The following R3HCC1L variants were observed in gnomAD, a reference collection of about 807,000 sequenced individuals.
R3HCC1L encodes the protein coiled-coil domain-containing protein R3HCC1L.
R3HCC1L carries 51 observed loss-of-function variants against 59.9 expected under a neutral mutation model. The ratio of observed to expected loss-of-function variants is 0.85; its 90% CI spans 0.68 to 1.07. The LOEUF (loss-of-function observed/expected upper bound fraction) is 1.07. Ranked by LOEUF, R3HCC1L falls within the 50% of genes least tolerant of loss-of-function variation. The probability of loss-of-function intolerance (pLI) is 0.00; values close to 1 mark genes in which losing one functional copy is unlikely to be tolerated. For missense variants in R3HCC1L, 965 were observed against 933.0 expected, an observed-to-expected ratio of 1.03 and a Z score of -0.45; for synonymous variants, 322 against 315.2, an observed-to-expected ratio of 1.02 and a Z score of -0.23.
At chr10:98,211,723 G>A (rs1200363840) in intron 5 of R3HCC1L, among the ~76,000 whole-genome samples, 1 of 152,068 alleles carries the variant, frequency 6.6e-6, no homozygotes, top group Non-Finnish European at 1.5e-5. Flanking sequence ...GGGCAGAGTT[G>A]GGGGCTCTGT....
intron 4 of R3HCC1L, among the ~76,000 whole-genome samples, chr10:98,196,396 C>T (rs1314182114): frequency 1.3e-5 from 2 of 152,112 alleles, no homozygotes; most frequent in African/African-American, 2.4e-5. Context: ...TGGAAATTCT[C>T]AGTTCGTCCT....
intron 1 of R3HCC1L, among the ~76,000 whole-genome samples, chr10:98,140,423 C>T (rs1039869446): frequency 8.5e-5 from 13 of 152,094 alleles, no homozygotes; most frequent in Non-Finnish European, 1.2e-4. Context: ...CACACAGAGT[C>T]ATAGAGACAC....
intron 5 of R3HCC1L, 100 bp from the exon 6 acceptor site, chr10:98,231,412 A>C: frequency 9.1e-7 from 1 of 1,093,726 alleles, no homozygotes; most frequent in South Asian, 1.4e-5. Flanking sequence ...AGGAATGGGA[A>C]CATGTAGAGA....
intron 1 of R3HCC1L, among the ~76,000 whole-genome samples, chr10:98,154,348 G>T (rs539538722): frequency 1.3e-5 from 2 of 152,244 alleles, no homozygotes; most frequent in Admixed American, 1.3e-4. Flanking sequence ...GAGGAATCTG[G>T]TGTGTGCAGA....
At chr10:98,185,782 G>A (rs992558280) in intron 4 of R3HCC1L, among the ~76,000 whole-genome samples, 1 of 152,156 alleles carries the variant, frequency 6.6e-6, no homozygotes, top group African/African-American at 2.4e-5. Context: ...ACTTTAGGGA[G>A]GGTGACATCT....
At chr10:98,162,145 T>G (rs1428402453) in intron 2 of R3HCC1L, among the ~76,000 whole-genome samples, 1 of 152,164 alleles carries the variant, frequency 6.6e-6, no homozygotes, top group Non-Finnish European at 1.5e-5. Flanking sequence ...AGATCTTTCT[T>G]TTGTATGTCT....
At chr10:98,168,209 A>T (rs1411810292) in intron 4 of R3HCC1L, among the ~76,000 whole-genome samples, 1 of 152,162 alleles carries the variant, frequency 6.6e-6, no homozygotes, top group Non-Finnish European at 1.5e-5. Context: ...CCTTTGTATT[A>T]CATATTATAT....
rs114914562 is a variant in R3HCC1L, at chr10:98,155,383, T to C, written c.-267-710T>C. ...TTAAATTTTTTTTATTTTTGAAGCT[T>C]CTATATTTTGTGTGTTTGTGCTCTT... On this transcript the variant is annotated intron_variant, in intron 1 of 9. Coordinates refer to ENST00000298999, the MANE Select transcript of R3HCC1L (RefSeq NM_001351015.2). Among the ~76,000 whole-genome samples the C allele has an allele frequency of 6.7e-3, 1,015 of 152,254 alleles. 17 individuals are homozygous for C. Among genetic ancestry groups the C allele is most frequent in the African/African-American group, 0.022 (935 of 41,566 alleles).
chr10:98,226,793 CGTTTAAGAATTTATTAAA>C lies in R3HCC1L; in HGVS notation c.1786-4712_1786-4695del, dbSNP rs537286415. Among the ~76,000 whole-genome samples, 88 of 152,328 alleles carry C rather than the reference CGTTTAAGAATTTATTAAA, an allele frequency of 5.8e-4. No individual in the cohort carries two copies. The South Asian group carries it at 0.017, about 29-fold the overall frequency. On this transcript the variant is annotated intron_variant, in intron 5 of 9. Transcript: ENST00000298999. Reference sequence around the variant, plus strand: ...ACTGTTAACACTAATCTACTCTAGACGTTTAAGAATTTATTAAAGTTTAACTGATATCTTCTTGCCCAC... The same window carrying C: ...ACTGTTAACACTAATCTACTCTAGACGTTTAACTGATATCTTCTTGCCCAC...
At chr10:98,236,712 A>G (rs1220147858) in intron 9 of R3HCC1L, among the ~76,000 whole-genome samples, 1 of 152,182 alleles carries the variant, frequency 6.6e-6, no homozygotes, top group Non-Finnish European at 1.5e-5. Context: ...TCCAGTATCC[A>G]AGAGTTCTCA....
At chr10:98,199,560 T>C (rs1268696902) in intron 4 of R3HCC1L, among the ~76,000 whole-genome samples, 1 of 152,074 alleles carries the variant, frequency 6.6e-6, no homozygotes, top group Non-Finnish European at 1.5e-5. Flanking sequence ...CCTGTTTCAG[T>C]TCCTGCTCTC....
At chr10:98,222,486 T>G (rs1486463160) in intron 5 of R3HCC1L, among the ~76,000 whole-genome samples, 1 of 152,072 alleles carries the variant, frequency 6.6e-6, no homozygotes, top group Non-Finnish European at 1.5e-5. Flanking sequence ...TTCCAGTTTT[T>G]GCCCATTCAG....
At position 98,236,047 on chromosome 10, in the gene R3HCC1L, C is replaced by T. The variant is rs745978823; in HGVS notation, c.2152C>T (p.Arg718Cys). 18 of 1,613,710 alleles carry T rather than the reference C, an allele frequency of 1.1e-5. No homozygotes were observed. The highest frequency in any genetic ancestry group is 1.7e-4 in the Middle Eastern group (1 of 6,056). ...AGAGTTCCTCCAGCCAGCAAAGGAG[C>T]GTCCTGAGACTTCAGCAGCCCTAGC... is the stretch of plus-strand genomic sequence containing the variant. ...YAEFLQPAKERPETSAALARR... is the reference protein window; with the variant it reads ...YAEFLQPAKECPETSAALARR... The change falls in exon 9 of 10, where the codon CGT becomes TGT. Residue 718 changes from arginine (R) to cysteine (C), a missense_variant. By Grantham distance (180) the Arg-to-Cys change is radical (BLOSUM62 -3). Transcript: ENST00000298999.
intron 5 of R3HCC1L, chr10:98,231,005 C>T: frequency 2.4e-6 from 1 of 415,084 alleles, no homozygotes; most frequent in Non-Finnish European, 4.7e-6. Context: ...CCTTTGTAAG[C>T]TGTCTCCTCA....
intron 4 of R3HCC1L, among the ~76,000 whole-genome samples, chr10:98,163,806 A>G (rs1847671776): frequency 6.6e-6 from 1 of 152,262 alleles, no homozygotes; most frequent in South Asian, 2.1e-4. Context: ...TTCAGGAAGA[A>G]TAGATGGTCA....
chr10:98,218,051 T>C (rs896324803), intron 5 of R3HCC1L, among the ~76,000 whole-genome samples: 2 of 152,196 alleles, frequency 1.3e-5, no homozygotes, highest in Admixed American at 1.3e-4. Flanking sequence ...CTACGATGAA[T>C]AAGAGTGGTG....
intron 4 of R3HCC1L, among the ~76,000 whole-genome samples, chr10:98,165,485 T>C (rs1328994265): frequency 6.6e-6 from 1 of 152,228 alleles, no homozygotes; most frequent in Non-Finnish European, 1.5e-5. Context: ...TGGCTAGGCC[T>C]TTATCTCAGA....
chr10:98,168,297 G>A (rs1024140255), intron 4 of R3HCC1L, among the ~76,000 whole-genome samples: 4 of 152,208 alleles, frequency 2.6e-5, no homozygotes, highest in Admixed American at 2.6e-4. Flanking sequence ...CATTAAACTT[G>A]GAGCAGTTAA....
chr10:98,220,360 ATTTCT>A (rs1854736431), intron 5 of R3HCC1L, among the ~76,000 whole-genome samples: 1 of 125,666 alleles, frequency 8.0e-6, no homozygotes, highest in Middle Eastern at 4.1e-3. Flanking sequence ...CATTTCATGG[ATTTCT>A]TTTTCTTTTT....
Sources: gnomAD v4.1 joint callset for allele counts (sites outside exome capture counted in the v4.1 genomes callset) on GRCh38, gnomAD v4.1.1 for gene constraint, MANE v1.5 for transcripts, NCBI Gene and HGNC (gene_info 2026-07-23, HGNC 2026-07-21) for gene names.